CCDC88C: variants seen among roughly 807,000 people sequenced by gnomAD.
CCDC88C encodes coiled-coil and HOOK domain protein 88C, also known as protein Daple.
A neutral mutation model predicts 198.8 loss-of-function variants in CCDC88C; 131 were observed. That is an observed-to-expected ratio of 0.66 (90% CI 0.57 to 0.76). The LOEUF (loss-of-function observed/expected upper bound fraction) is 0.76. Among genes scored for constraint, CCDC88C ranks in the 30% least tolerant of loss-of-function variants. CCDC88C has a pLI of 0.00. For synonymous variants in CCDC88C, 1,166 were observed against 1,114.7 expected, an observed-to-expected ratio of 1.05 and a Z score of -0.92; for missense variants, 2,553 against 2,631.6, an observed-to-expected ratio of 0.97 and a Z score of 0.65.
chr14:91,330,338 C>T (rs1242782009), intron 10 of CCDC88C, among the ~76,000 whole-genome samples: 4 of 152,158 alleles, frequency 2.6e-5, no homozygotes, highest in Non-Finnish European at 5.9e-5. Flanking sequence ...TGCAAAAGCA[C>T]CAGGAGTCCT....
intron 3 of CCDC88C, among the ~76,000 whole-genome samples, chr14:91,403,550 C>T (rs41395446): frequency 0.22 from 33,025 of 152,282 alleles, 4,135 homozygotes; most frequent in East Asian, 0.36. Context: ...CCTGACTCCA[C>T]TATCTGCATT....
At chr14:91,417,590 C>G in intron 1 of CCDC88C, 41 bp downstream of exon 1, 1 of 1,556,088 alleles carries the variant, frequency 6.4e-7, no homozygotes, top group East Asian at 2.4e-5. Context: ...TAGAGAGAAG[C>G]CGGTGCACCA....
At position 91,272,740 on chromosome 14, in the gene CCDC88C, T is replaced by A. The variant is rs760595045; in HGVS notation, c.5972A>T (p.His1991Leu). The change falls in exon 30 of 30, where the codon CAC (histidine) becomes CTC (leucine). Residue 1991 changes from histidine (H) to leucine (L), a missense_variant. Coordinates refer to ENST00000389857, the MANE Select transcript of CCDC88C (RefSeq NM_001080414.4). ...SPGRSPDLAP[H>L]LGRALEDCSR... is the part of the protein sequence containing the mutation. ...GCAGTCCTCCAGGGCCCGGCCGAGG[T>A]GGGGAGCCAAATCGGGAGACCGACC... 1.2e-6 allele frequency: 2 copies of A among 1,608,718 alleles called. No homozygotes were observed. Among genetic ancestry groups the A allele is most frequent in the Non-Finnish European group, 1.7e-6 (2 of 1,179,094 alleles).
intron 16 of CCDC88C, among the ~76,000 whole-genome samples, chr14:91,309,309 A>G (rs1481905296): frequency 6.6e-6 from 1 of 152,222 alleles, no homozygotes; most frequent in Admixed American, 6.5e-5. Context: ...TTTTAAAAAA[A>G]TTAAGAAGCG....
At position 91,313,117 on chromosome 14, in the gene CCDC88C, A is replaced by T; in HGVS notation, c.2699T>A (p.Val900Asp). ...TGTCAGTGTCCTTGCATGCACGGTG[A>T]CTTGCTTGGTGAGGTCCCGGTTGTC... ...EKDNRDLTKQVTVHARTLTTL... is the reference protein window; with the variant it reads ...EKDNRDLTKQDTVHARTLTTL... The change falls in exon 15 of 30, where the codon GTC becomes GAC. Residue 900 changes from valine to aspartate, a missense_variant. By Grantham distance (152) the Val-to-Asp change is radical. Around this residue, in one of 2 missense-constraint regions of CCDC88C, gnomAD observed 1,260 missense variants for 1,412.0 expected, o/e 0.89. Transcript: ENST00000389857. The surrounding 1 kb of genome is among the most constrained non-coding windows in gnomAD (Gnocchi z 5.2). The T allele has an allele frequency of 6.2e-7, 1 of 1,602,520 alleles. No homozygotes were observed. Among genetic ancestry groups the T allele is most frequent in the South Asian group, 1.1e-5 (1 of 90,504 alleles).
In CCDC88C at chr14:91,343,588, C is replaced by T. The variant is rs1893395618; in HGVS notation, c.399+11G>A. 2.5e-6 allele frequency: 4 copies of T among 1,613,622 alleles called. No individual in the cohort carries two copies. The highest frequency in any genetic ancestry group is 3.4e-6 in the Non-Finnish European group (4 of 1,179,854). On this transcript the variant is annotated intron_variant, in intron 5 of 29. Coordinates refer to ENST00000389857, the MANE Select transcript of CCDC88C (RefSeq NM_001080414.4). ...GTAGGTCCCTCTGCTGCAGCCCTGC[C>T]CAATCCCTACCTGGACAGCACAGCC...
chr14:91,314,336 A>T (rs374240274), intron 14 of CCDC88C, among the ~76,000 whole-genome samples, 186 bp from the exon 15 acceptor site: 1 of 152,152 alleles, frequency 6.6e-6, no homozygotes, highest in South Asian at 2.1e-4. Context: ...CACCACTTAG[A>T]TGGTTCAAGT....
chr14:91,370,677 G>A (rs900630996), intron 3 of CCDC88C, among the ~76,000 whole-genome samples: 1 of 152,310 alleles, frequency 6.6e-6, no homozygotes, highest in South Asian at 2.1e-4. Context: ...CGGGCTTTAG[G>A]AACGACCTGC....
chr14:91,355,439 C>CCGTGCT (rs1894001575), intron 4 of CCDC88C, among the ~76,000 whole-genome samples: 2 of 152,250 alleles, frequency 1.3e-5, no homozygotes, highest in East Asian at 1.9e-4. Context: ...AGAGCCCAGG[C>CCGTGCT]CGTGCTCGGA....
At position 91,331,125 on chromosome 14, in the gene CCDC88C, G is replaced by A. The variant is rs192242093; in HGVS notation, c.1051-5069C>T. On this transcript the variant is annotated intron_variant, in intron 10 of 29. Coordinates refer to ENST00000389857, the MANE Select transcript of CCDC88C (RefSeq NM_001080414.4). The stretch of plus-strand genomic sequence containing the variant: ...TAAGTGGGGCGGGGGTGGGGGGAGC[G>A]GTGCAGGCACGGCAGGTGGCTCCAG... 3.4e-3 allele frequency among the ~76,000 whole-genome samples: 507 copies of A among 150,434 alleles called. 1 individual carries two copies. Among genetic ancestry groups the A allele is most frequent in the South Asian group, 8.7e-3 (41 of 4,710 alleles).
chr14:91,293,424 GCCCAC>G (rs2139754403), intron 23 of CCDC88C, among the ~76,000 whole-genome samples: 1 of 119,016 alleles, frequency 8.4e-6, no homozygotes. Flanking sequence ...ACCTGCCACG[GCCCAC>G]CTTCCCGTCC....
rs1036950744 is a variant in CCDC88C, at chr14:91,284,275, T to C, written c.4442-758A>G. The stretch of plus-strand genomic sequence containing the variant: ...ACTTTGCAGAGCGTCCCACTCCGTG[T>C]GCAGAGCCAGGACTCACTGTTGCAG... On this transcript the variant is annotated intron_variant, in intron 25 of 29. Transcript: ENST00000389857. This position sits in a 1 kb window ranked among gnomAD's most constrained non-coding sequence, Gnocchi z 4.1. 2.0e-5 allele frequency among the ~76,000 whole-genome samples: 3 copies of C among 152,342 alleles called. No individual in the cohort carries two copies. Among genetic ancestry groups the C allele is most frequent in the African/African-American group, 7.2e-5 (3 of 41,586 alleles).
At position 91,283,317 on chromosome 14, in the gene CCDC88C, C is replaced by T. The variant is rs1890277191; in HGVS notation, c.4630+12G>A. The T allele has an allele frequency of 3.1e-6, 5 of 1,611,606 alleles. No individual in the cohort carries two copies. Among genetic ancestry groups the T allele is most frequent in the South Asian group, 1.1e-5 (1 of 90,542 alleles). Reference sequence around the variant, plus strand: ...CCCGACGCTCATGGCTCTGGAAGGGCCTGTGACTCACCTTTGGTGCGGCCT... The same window carrying T: ...CCCGACGCTCATGGCTCTGGAAGGGTCTGTGACTCACCTTTGGTGCGGCCT... On this transcript the variant is annotated intron_variant, in intron 26 of 29. Transcript: ENST00000389857.
intron 3 of CCDC88C, among the ~76,000 whole-genome samples, chr14:91,368,021 T>C (rs1399820234): frequency 6.6e-6 from 1 of 152,214 alleles, no homozygotes; most frequent in Admixed American, 6.5e-5. Context: ...CTGTGCCATG[T>C]CAATCAACTC....
At chr14:91,341,975 A>T (rs1893331116) in intron 6 of CCDC88C, among the ~76,000 whole-genome samples, 1 of 152,262 alleles carries the variant, frequency 6.6e-6, no homozygotes, top group Non-Finnish European at 1.5e-5. Context: ...TGACAGAAGC[A>T]GAGAATCTCT....
chr14:91,394,238 G>A (rs1268171702), intron 3 of CCDC88C, among the ~76,000 whole-genome samples: 3 of 152,152 alleles, frequency 2.0e-5, no homozygotes, highest in Non-Finnish European at 4.4e-5. Context: ...CATCAACAAA[G>A]CAAACACCAC....
intron 3 of CCDC88C, among the ~76,000 whole-genome samples, chr14:91,393,007 AG>A (rs1251041755): frequency 4.6e-5 from 7 of 152,340 alleles, no homozygotes; most frequent in African/African-American, 1.7e-4. Flanking sequence ...CTGCAAGGAC[AG>A]GACGTGTGAG....
intron 10 of CCDC88C, among the ~76,000 whole-genome samples, chr14:91,334,815 G>A (rs1892982808): frequency 6.6e-6 from 1 of 152,184 alleles, no homozygotes; most frequent in South Asian, 2.1e-4. Flanking sequence ...CCGGGGGCAA[G>A]GGTTCACCTC....
In CCDC88C at chr14:91,291,070, G is replaced by A. The variant is rs1403907240; in HGVS notation, c.4127C>T (p.Ala1376Val). 6.4e-7 allele frequency: 1 copy of A among 1,563,616 alleles called. No individual in the cohort carries two copies. Among genetic ancestry groups the A allele is most frequent in the Admixed American group, 1.8e-5 (1 of 54,514 alleles). The change falls in exon 24 of 30, where the codon GCC becomes GTC. Residue 1376 changes from alanine (A) to valine (V), a missense_variant. Transcript: ENST00000389857. ...EQKQYIDKLN[A>V]LRRHKEKLEE... is the part of the protein sequence containing the mutation. ...CAGCTTTTCCTTATGTCTTCGTAAG[G>A]CATTTAATTTGTCTCTGTGAATATA...
Sources: allele counts gnomAD v4.1 joint callset (sites outside exome capture counted in the v4.1 genomes callset), GRCh38; gene constraint gnomAD v4.1.1; regional missense constraint gnomAD v4.1.1; non-coding constraint Gnocchi (gnomAD v3.1); transcripts MANE v1.5; gene names NCBI Gene and HGNC (gene_info 2026-07-23, HGNC 2026-07-21).